The following ABCA1 variants were observed in gnomAD, a reference collection of about 807,000 sequenced individuals.
ABCA1 encodes ATP binding cassette subfamily A member 1.
ABCA1 carries 133 observed loss-of-function variants against 262.5 expected under a neutral mutation model. The ratio of observed to expected loss-of-function variants is 0.51; its 90% CI spans 0.44 to 0.59. ABCA1 has a LOEUF of 0.59. Among genes scored for constraint, ABCA1 ranks in the 20% least tolerant of loss-of-function variants. The pLI is 0.00. For synonymous variants in ABCA1, 1,022 were observed against 1,043.5 expected, an observed-to-expected ratio of 0.98 and a Z score of 0.40; for missense variants, 2,452 against 2,777.5, an observed-to-expected ratio of 0.88 and a Z score of 2.63.
In ABCA1 at chr9:104,858,595, C is replaced by T. The variant is rs1169877858; in HGVS notation, c.647G>A (p.Gly216Asp). The T allele has an allele frequency of 2.5e-6, 4 of 1,614,042 alleles. No individual in the cohort carries two copies. The East Asian group carries it at 8.9e-5, about 36-fold the overall frequency. Residue 216 changes from glycine (G) to aspartate (D), a missense_variant, in exon 7 of 50, where the codon GGC (glycine) becomes GAC (aspartate). Transcript: ENST00000374736. Reference protein sequence around the residue: ...LGDQEVSELCGLPREKLAAAE... With the variant: ...LGDQEVSELCDLPREKLAAAE... ...TGCAGCCAGTTTCTCCCTTGGTAGG[C>T]CACAAAGCTCAGAAACTTCTTGGTC... is the stretch of plus-strand genomic sequence containing the variant.
At chr9:104,820,970 C>T (rs775467600) in intron 20 of ABCA1, among the ~76,000 whole-genome samples, 7 of 152,218 alleles carry the variant, frequency 4.6e-5, no homozygotes, top group Non-Finnish European at 1.0e-4. Flanking sequence ...TGTGGCCAGA[C>T]ACAGTGGCTC....
rs553003082 is a variant in ABCA1, at chr9:104,820,428, A to G, written c.2961-359T>C. ...AGAAGTCAGCTCGGCACTCACCTGGAGCAGCCTTCCTGAGCCTCAGGGGAC... is the reference window on the plus strand; with the variant it reads ...AGAAGTCAGCTCGGCACTCACCTGGGGCAGCCTTCCTGAGCCTCAGGGGAC... On this transcript the variant is annotated intron_variant, in intron 20 of 49. Coordinates refer to ENST00000374736, the MANE Select transcript of ABCA1 (RefSeq NM_005502.4). Among the ~76,000 whole-genome samples the G allele has an allele frequency of 6.4e-4, 98 of 152,124 alleles. 1 individual carries two copies. In the South Asian group the frequency reaches 0.016, roughly 25 times the overall value.
chr9:104,804,799 A>G, intron 31 of ABCA1, 79 bp from the exon 32 acceptor site: 1 of 1,236,312 alleles, frequency 8.1e-7, no homozygotes, highest in Non-Finnish European at 1.2e-6. Context: ...GACAACAGTG[A>G]CCATGTCCAC....
intron 13 of ABCA1, 111 bp from the exon 14 acceptor site, chr9:104,831,212 T>C (rs1833290026): frequency 1.9e-6 from 2 of 1,055,398 alleles, no homozygotes; most frequent in Non-Finnish European, 2.7e-6. Flanking sequence ...CCTTTTTCTA[T>C]TTTTGTATCT....
chr9:104,784,843 CCT>C (rs951677513), intron 49 of ABCA1, among the ~76,000 whole-genome samples: 18 of 152,192 alleles, frequency 1.2e-4, no homozygotes, highest in African/African-American at 4.1e-4. Flanking sequence ...GGGGTTTCAC[CCT>C]GTTGGCCAGG....
At chr9:104,909,588 G>A (rs1841371105) in intron 1 of ABCA1, among the ~76,000 whole-genome samples, 1 of 148,888 alleles carries the variant, frequency 6.7e-6, no homozygotes, top group South Asian at 2.1e-4. Context: ...GACAGATTCA[G>A]TGATGCTGGC....
At chr9:104,898,490 T>C (rs1193717699) in intron 2 of ABCA1, among the ~76,000 whole-genome samples, 1 of 151,876 alleles carries the variant, frequency 6.6e-6, no homozygotes, top group East Asian at 1.9e-4. Flanking sequence ...AAAGTTGCAG[T>C]GAGCCGAGAT....
In ABCA1 at chr9:104,794,487, GA is replaced by G. The variant is rs1564086535; in HGVS notation, c.5405del (p.Ile1802ThrfsTer2). 2 of 1,146,060 alleles carry G rather than the reference GA, an allele frequency of 1.7e-6. No individual in the cohort carries two copies. Among genetic ancestry groups the G allele is most frequent in the Non-Finnish European group, 2.5e-6 (2 of 788,422 alleles). The allele number at this position is 1,146,060 out of a possible 1,614,324, so 71.0% of individuals were successfully genotyped here. A position where few individuals can be genotyped will look rare whatever the true frequency, so the allele number is the denominator to read the frequency against. ...TDNKLNNIND[I>X]LKSVFLIFPH... ...GGAAGATCAAGAACACGGACTTCAG[GA>G]TATCATTGATATTATTCAGCTTCTA... On this transcript the variant is annotated frameshift_variant, in exon 40 of 50. Coordinates refer to ENST00000374736, the MANE Select transcript of ABCA1 (RefSeq NM_005502.4). LOFTEE classifies it high-confidence loss of function.
intron 7 of ABCA1, chr9:104,856,117 C>T (rs750639903): frequency 1.0e-5 from 16 of 1,565,148 alleles, no homozygotes; most frequent in Non-Finnish European, 1.3e-5. Context: ...AAATTTCAAC[C>T]AAGCAGCAAT....
chr9:104,816,043 G>T, intron 25 of ABCA1, 100 bp downstream of exon 25: 1 of 1,338,458 alleles, frequency 7.5e-7, no homozygotes, highest in Non-Finnish European at 1.1e-6. Context: ...AAAACTCAAT[G>T]ACTAACTCCA....
intron 40 of ABCA1, among the ~76,000 whole-genome samples, chr9:104,794,120 T>C (rs578060939): frequency 6.6e-6 from 1 of 152,320 alleles, no homozygotes; most frequent in African/African-American, 2.4e-5. Context: ...CATGAGCCAG[T>C]GGATCCAAGC....
At chr9:104,882,502 G>T (rs1431618175) in intron 5 of ABCA1, among the ~76,000 whole-genome samples, 1 of 152,152 alleles carries the variant, frequency 6.6e-6, no homozygotes, top group Non-Finnish European at 1.5e-5. Context: ...ACAAGAAATT[G>T]CCTGGATACT....
intron 28 of ABCA1, among the ~76,000 whole-genome samples, chr9:104,811,372 G>C (rs1046807303): frequency 1.3e-5 from 2 of 152,084 alleles, no homozygotes; most frequent in African/African-American, 4.8e-5. Context: ...ACTGGCCTCA[G>C]TTTTCTCATT....
At chr9:104,891,966 TAAAAAAAAAA>T (rs570923490) in intron 2 of ABCA1, among the ~76,000 whole-genome samples, 4 of 59,226 alleles carry the variant, frequency 6.8e-5, no homozygotes, top group South Asian at 1.4e-3. Flanking sequence ...CTCTGTCTCT[TAAAAAAAAAA>T]AAAAAAAAAA....
intron 32 of ABCA1, among the ~76,000 whole-genome samples, chr9:104,803,956 G>C (rs761851678): frequency 5.3e-5 from 8 of 152,130 alleles, no homozygotes; most frequent in African/African-American, 9.7e-5. Context: ...ATGACATATG[G>C]AGAAATTATG....
intron 5 of ABCA1, among the ~76,000 whole-genome samples, chr9:104,881,211 G>T (rs1838622656): frequency 6.6e-6 from 1 of 152,120 alleles, no homozygotes; most frequent in Non-Finnish European, 1.5e-5. Context: ...CCTCCACTAA[G>T]ATCAGAAAGT....
chr9:104,897,648 G>A (rs2068641522), intron 2 of ABCA1, among the ~76,000 whole-genome samples: 1 of 152,092 alleles, frequency 6.6e-6, no homozygotes, highest in African/African-American at 2.4e-5. Flanking sequence ...TGTCACCCAG[G>A]CAGGAGTACA....
rs1252573051 is a variant in ABCA1, at chr9:104,925,385, A to G, written c.-93+2550T>C. Among the ~76,000 whole-genome samples the G allele has an allele frequency of 7.9e-5, 12 of 152,152 alleles. 1 individual carries two copies. Among genetic ancestry groups the G allele is most frequent in the African/African-American group, 2.2e-4 (9 of 41,498 alleles). On this transcript the variant is annotated intron_variant, in intron 1 of 49. Coordinates refer to ENST00000374736, the MANE Select transcript of ABCA1 (RefSeq NM_005502.4). ...AGCGAGACTGCATCTCAAAAAAAAA[A>G]AAAATGTGCCCAGGGTCCATTATAG...
chr9:104,802,189 G>A, intron 33 of ABCA1, 30 bp from the exon 34 acceptor site: 2 of 1,582,074 alleles, frequency 1.3e-6, no homozygotes, highest in Non-Finnish European at 1.7e-6. Context: ...TTAAAACCCA[G>A]ACAGTGGGGT....
Sources: gnomAD v4.1 joint callset for allele counts (sites outside exome capture counted in the v4.1 genomes callset) on GRCh38, gnomAD v4.1.1 for gene constraint, MANE v1.5 for transcripts, NCBI Gene and HGNC (gene_info 2026-07-23, HGNC 2026-07-21) for gene names.